DNAH11: variants seen among roughly 807,000 people sequenced by gnomAD.
DNAH11 encodes the protein dynein axonemal heavy chain 11, also known as axonemal beta dynein heavy chain 11.
In DNAH11, 442 loss-of-function variants were observed where a neutral mutation model predicts 526.0. That is an observed-to-expected ratio of 0.84 (90% CI 0.78 to 0.91). The LOEUF is 0.91. Among genes scored for constraint, DNAH11 ranks in the 40% least tolerant of loss-of-function variants. The pLI is 0.00. For missense variants in DNAH11, 6,989 were observed against 5,448.7 expected, an observed-to-expected ratio of 1.28 and a Z score of -8.90; for synonymous variants, 2,461 against 1,935.9, an observed-to-expected ratio of 1.27 and a Z score of -7.12.
chr7:21,801,297 A>G, intron 62 of DNAH11, 22 bp downstream of exon 62: 1 of 1,613,132 alleles, frequency 6.2e-7, no homozygotes, highest in Non-Finnish European at 8.5e-7. Flanking sequence ...TCTTCCAAAC[A>G]TTCTAACTAA....
At chr7:21,885,656 G>A (rs970345114) in intron 76 of DNAH11, among the ~76,000 whole-genome samples, 2 of 152,030 alleles carry the variant, frequency 1.3e-5, no homozygotes, top group African/African-American at 4.8e-5. Context: ...AAGATGATGG[G>A]CCTGCTGATT....
intron 69 of DNAH11, among the ~76,000 whole-genome samples, chr7:21,863,071 AAAAAAAAAG>A (rs1277715606): frequency 1.0e-4 from 15 of 147,184 alleles, no homozygotes; most frequent in Non-Finnish European, 4.5e-5. Context: ...CTCAAAAAAA[AAAAAAAAAG>A]AAAAAGAAAA....
chr7:21,658,924 G>T lies in DNAH11; in HGVS notation c.5221G>T (p.Val1741Phe), dbSNP rs369261673. The T allele has an allele frequency of 8.1e-6, 13 of 1,610,594 alleles. No individual in the cohort carries two copies. The African/African-American group carries it at 1.6e-4, about 20-fold the overall frequency. ...GTGGATTTTTGATTTCCCAGCTCAG[G>T]TTGCACTAACCAGCTCACAAATATG... is the stretch of plus-strand genomic sequence containing the variant. The part of the protein sequence containing the change: ...ELWIFDFPAQ[V>F]ALTSSQIWWT... Residue 1741 changes from valine to phenylalanine, a missense_variant, in exon 30 of 82, where the codon GTT (valine) becomes TTT (phenylalanine). Transcript: ENST00000409508.
intron 55 of DNAH11, among the ~76,000 whole-genome samples, chr7:21,772,757 T>C (rs1000261922): frequency 6.6e-6 from 1 of 152,202 alleles, no homozygotes; most frequent in African/African-American, 2.4e-5. Flanking sequence ...CCAAACCCAC[T>C]CGGGAATTTG....
intron 14 of DNAH11, among the ~76,000 whole-genome samples, chr7:21,597,658 G>T (rs546821803): frequency 1.3e-5 from 2 of 152,118 alleles, no homozygotes; most frequent in Non-Finnish European, 2.9e-5. Flanking sequence ...GCAAGCGGGG[G>T]GTTGGGGCAG....
At chr7:21,688,548 A>T (rs1783480239) in intron 34 of DNAH11, among the ~76,000 whole-genome samples, 1 of 152,016 alleles carries the variant, frequency 6.6e-6, no homozygotes, top group Non-Finnish European at 1.5e-5. Flanking sequence ...CTCTCTCCTC[A>T]TCTCTGGACT....
chr7:21,637,781 A>G lies in DNAH11; in HGVS notation c.4817+79A>G, dbSNP rs1786937867. On this transcript the variant is annotated intron_variant, in intron 27 of 81. Transcript: ENST00000409508. Reference sequence around the variant, plus strand: ...TTTCACATACCTAATAGTATTTAATACTGTGTTATGGAGGTGCAACCTCTA... The same window carrying G: ...TTTCACATACCTAATAGTATTTAATGCTGTGTTATGGAGGTGCAACCTCTA... 4.5e-6 allele frequency: 4 copies of G among 884,962 alleles called. No individual in the cohort carries two copies. The South Asian group carries it at 8.0e-5, about 18-fold the overall frequency. 54.8% of individuals were successfully genotyped at this position (884,962 alleles called of 1,614,324 possible).
intron 28 of DNAH11, among the ~76,000 whole-genome samples, chr7:21,641,360 T>C (rs1787124947): frequency 1.3e-5 from 2 of 152,174 alleles, no homozygotes; most frequent in African/African-American, 4.8e-5. Flanking sequence ...CTTTGCCCTC[T>C]TCCTCCCTAT....
At chr7:21,843,290 A>C (rs1417650081) in intron 66 of DNAH11, among the ~76,000 whole-genome samples, 3 of 152,216 alleles carry the variant, frequency 2.0e-5, no homozygotes, top group African/African-American at 7.2e-5. Flanking sequence ...ACTGACATAG[A>C]AAATAGACAA....
At chr7:21,850,770 A>G (rs373263366) in intron 66 of DNAH11, among the ~76,000 whole-genome samples, 1 of 152,150 alleles carries the variant, frequency 6.6e-6, no homozygotes, top group South Asian at 2.1e-4. Context: ...GCTGTGTCTC[A>G]TGTTCATTTA....
rs368565591 is a variant in DNAH11, at chr7:21,655,896, A to T, written c.5009A>T (p.Asp1670Val). The change falls in exon 29 of 82, where the codon GAT becomes GTT. Residue 1670 changes from aspartate (D) to valine (V), a missense_variant. By Grantham distance (152) the Asp-to-Val change is radical (BLOSUM62 -3). Coordinates refer to ENST00000409508, the MANE Select transcript of DNAH11 (RefSeq NM_001277115.2). ...GATCTGCAGTTTGAAGACAATCAGGATGTTTCTGCACACAGGGCAGTTGGA... is the reference window on the plus strand; with the variant it reads ...GATCTGCAGTTTGAAGACAATCAGGTTGTTTCTGCACACAGGGCAGTTGGA... ...IADLQFEDNQ[D>V]VSAHRAVGMY... The T allele has an allele frequency of 6.2e-7, 1 of 1,613,342 alleles. No individual in the cohort carries two copies. Among genetic ancestry groups the T allele is most frequent in the African/African-American group, 1.3e-5 (1 of 74,982 alleles).
chr7:21,565,163 C>T (rs2128433841), intron 6 of DNAH11, among the ~76,000 whole-genome samples: 1 of 152,290 alleles, frequency 6.6e-6, no homozygotes, highest in East Asian at 1.9e-4. Context: ...CTGAAAGTCT[C>T]AGATGAGGGT....
At chr7:21,776,839 A>G (rs541661398) in intron 56 of DNAH11, among the ~76,000 whole-genome samples, 10 of 152,202 alleles carry the variant, frequency 6.6e-5, no homozygotes, top group Non-Finnish European at 1.3e-4. Context: ...TATAGGTTCA[A>G]TGGTAGCATC....
At position 21,901,090 on chromosome 7, in the gene DNAH11, AAAGCCACCCCCGTG is replaced by A; in HGVS notation, c.13388_13401del (p.Lys4463ArgfsTer15). ...ATGCCCTATGCCGGTCATCTTTGCAAAAGCCACCCCCGTGGACAGACAAGAAACCAAACAGACCT... is the reference window on the plus strand; with the variant it reads ...ATGCCCTATGCCGGTCATCTTTGCAAGACAGACAAGAAACCAAACAGACCT... On this transcript the variant is annotated frameshift_variant, in exon 82 of 82. Coordinates refer to ENST00000409508, the MANE Select transcript of DNAH11 (RefSeq NM_001277115.2). LOFTEE classifies it high-confidence loss of function. 6.2e-7 allele frequency: 1 copy of A among 1,613,936 alleles called. No homozygotes were observed. The highest frequency in any genetic ancestry group is 8.5e-7 in the Non-Finnish European group (1 of 1,179,854).
At chr7:21,767,162 A>G (rs1472765070) in intron 55 of DNAH11, among the ~76,000 whole-genome samples, 1 of 152,174 alleles carries the variant, frequency 6.6e-6, no homozygotes, top group African/African-American at 2.4e-5. Context: ...TAGTTACAAG[A>G]AGGGTTCAAA....
rs779550450 is a variant in DNAH11, at chr7:21,545,023, C to T, written c.369C>T (p.Asn123=). 30 of 1,590,366 alleles carry T rather than the reference C, an allele frequency of 1.9e-5. No individual in the cohort carries two copies. Among genetic ancestry groups the T allele is most frequent in the Admixed American group, 7.1e-5 (4 of 56,158 alleles). Residue 123 remains asparagine (N), a synonymous_variant, in exon 2 of 82, where the codon AAC becomes AAT. Transcript: ENST00000409508. ...AASQEIPRDA[N]HKLVFISKKI... ...TGTTTTAGATTCCAAGAGATGCAAA[C>T]CATAAACTTGTTTTTATTTCCAAGA...
At chr7:21,640,476 G>A (rs1284723852) in intron 28 of DNAH11, among the ~76,000 whole-genome samples, 1 of 146,554 alleles carries the variant, frequency 6.8e-6, no homozygotes, top group Non-Finnish European at 1.5e-5. Context: ...AGTTAGCAGA[G>A]AGGTACATAA....
chr7:21,900,615 A>C (rs1039842215), intron 81 of DNAH11, among the ~76,000 whole-genome samples: 1 of 152,142 alleles, frequency 6.6e-6, no homozygotes, highest in African/African-American at 2.4e-5. Context: ...CCCTACCAAG[A>C]TGTTCCTTTT....
chr7:21,814,042 C>T (rs1331411488), intron 63 of DNAH11, among the ~76,000 whole-genome samples: 4 of 152,154 alleles, frequency 2.6e-5, no homozygotes, highest in African/African-American at 7.2e-5. Flanking sequence ...GCCTATTGCT[C>T]CTAGGCTACA....
Sources: gnomAD v4.1 joint callset for allele counts (sites outside exome capture counted in the v4.1 genomes callset) on GRCh38, gnomAD v4.1.1 for gene constraint, MANE v1.5 for transcripts, NCBI Gene and HGNC (gene_info 2026-07-23, HGNC 2026-07-21) for gene names.